Variants in RRAS2 observed in about 807,000 individuals in gnomAD.
The protein encoded by RRAS2 is ras-related protein R-Ras2.
Under a neutral mutation model 27.6 loss-of-function variants are expected in RRAS2, and 7 were observed. The ratio of observed to expected loss-of-function variants is 0.25; its 90% CI spans 0.14 to 0.48. The LOEUF (loss-of-function observed/expected upper bound fraction) is 0.48. Among genes scored for constraint, RRAS2 ranks in the 20% least tolerant of loss-of-function variants. The pLI, the probability that RRAS2 is intolerant of heterozygous loss-of-function variation, is 0.99. For synonymous variants in RRAS2, 86 were observed against 90.9 expected (o/e 0.95, Z 0.31); for missense variants, 178 against 256.2 (o/e 0.69, Z 2.08).
chr11:14,324,209 G>A (rs992418689), intron 1 of RRAS2, among the ~76,000 whole-genome samples: 1 of 151,640 alleles, frequency 6.6e-6, no homozygotes, highest in East Asian at 1.9e-4. Context: ...ATTCAGCAAG[G>A]TATTTGGATA....
chr11:14,329,007 GTGTGTATATA>G (rs1359659622), intron 1 of RRAS2, among the ~76,000 whole-genome samples: 13 of 55,354 alleles, frequency 2.3e-4, no homozygotes, highest in Admixed American at 5.0e-4. Flanking sequence ...GTGTGTGTGT[GTGTGTATATA>G]TATATATATA....
intron 1 of RRAS2, among the ~76,000 whole-genome samples, chr11:14,344,798 C>T (rs1848793669): frequency 6.6e-6 from 1 of 152,136 alleles, no homozygotes; most frequent in African/African-American, 2.4e-5. Context: ...AAACCGAATG[C>T]TACGGATCAA....
intron 1 of RRAS2, among the ~76,000 whole-genome samples, chr11:14,312,277 G>A (rs1359540959): frequency 5.3e-5 from 8 of 152,132 alleles, no homozygotes; most frequent in Non-Finnish European, 7.3e-5. Context: ...AATAAGACAC[G>A]TCTTGAAATG....
chr11:14,328,399 A>C (rs1216901469), intron 1 of RRAS2, among the ~76,000 whole-genome samples: 1 of 151,856 alleles, frequency 6.6e-6, no homozygotes, highest in Admixed American at 6.6e-5. Context: ...AGTGAGAAAA[A>C]ATAATGTAGC....
At chr11:14,337,909 A>T (rs1479722523) in intron 1 of RRAS2, among the ~76,000 whole-genome samples, 1 of 152,204 alleles carries the variant, frequency 6.6e-6, no homozygotes, top group East Asian at 1.9e-4. Flanking sequence ...ATGGCTAAAG[A>T]AAGTTCCTTA....
At chr11:14,291,703 C>G (rs1259683974) in intron 4 of RRAS2, among the ~76,000 whole-genome samples, 1 of 151,776 alleles carries the variant, frequency 6.6e-6, no homozygotes, top group African/African-American at 2.4e-5. Flanking sequence ...AAAAAACTTC[C>G]ACGAAAAAAA....
rs1320870496 is a variant in RRAS2 at position 14,326,913 on chromosome 11, T to C, written c.109-31058A>G. 9.3e-5 allele frequency among the ~76,000 whole-genome samples: 6 copies of C among 64,368 alleles called. 2 individuals are homozygous for C. In the Admixed American group the frequency reaches 1.1e-3, roughly 12 times the overall value. 42.2% of individuals were successfully genotyped at this position (64,368 alleles called of 152,430 possible). ...GTCTCTACTAAAAATACAAAAAAAT[T>C]AGCCGGGCGTAGTGGCGGGCGCCTG... On this transcript the variant is annotated intron_variant, in intron 1 of 5. Coordinates refer to ENST00000256196, the MANE Select transcript of RRAS2 (RefSeq NM_012250.6).
At chr11:14,357,586 T>C (rs1437211570) in intron 1 of RRAS2, among the ~76,000 whole-genome samples, 2 of 152,234 alleles carry the variant, frequency 1.3e-5, no homozygotes, top group African/African-American at 2.4e-5. Context: ...GCAGCAATTA[T>C]TGCTCATTTA....
chr11:14,351,896 A>C (rs112427792), intron 1 of RRAS2, among the ~76,000 whole-genome samples: 11 of 108,444 alleles, frequency 1.0e-4, no homozygotes, highest in Non-Finnish European at 1.9e-4. Context: ...CTCCGTCTCA[A>C]AAAAAAAAAA....
chr11:14,331,263 GT>G (rs1239979235), intron 1 of RRAS2, among the ~76,000 whole-genome samples: 1 of 152,068 alleles, frequency 6.6e-6, no homozygotes, highest in Non-Finnish European at 1.5e-5. Context: ...AGAAACTGGG[GT>G]AAAATGATGG....
At chr11:14,334,604 T>TG (rs1422691434) in intron 1 of RRAS2, among the ~76,000 whole-genome samples, 1 of 151,962 alleles carries the variant, frequency 6.6e-6, no homozygotes, top group Non-Finnish European at 1.5e-5. Flanking sequence ...ATTATCTAGC[T>TG]GGGACTCCCA....
intron 1 of RRAS2, among the ~76,000 whole-genome samples, chr11:14,323,950 A>G (rs1848285312): frequency 6.7e-6 from 1 of 150,148 alleles, no homozygotes; most frequent in Non-Finnish European, 1.5e-5. Context: ...AGAGATATGG[A>G]AAAAGGATAA....
Position 14,295,706 on chromosome 11 carries a change from T to A in RRAS2, c.196+62A>T, listed in dbSNP as rs562778254. On this transcript the variant is annotated intron_variant, in intron 2 of 5. Transcript: ENST00000256196. ...ATATATTATTTAACATAGCAAAACA[T>A]CAGCGCTTACTTTTTTAAAAAATAT... 29 of 1,244,444 alleles carry A rather than the reference T, an allele frequency of 2.3e-5. No individual in the cohort carries two copies. In the African/African-American group the frequency reaches 4.2e-4, roughly 18 times the overall value. 77.1% of individuals were successfully genotyped at this position (1,244,444 alleles called of 1,614,324 possible).
At chr11:14,334,893 TACC>T (rs1214637978) in intron 1 of RRAS2, among the ~76,000 whole-genome samples, 2 of 152,166 alleles carry the variant, frequency 1.3e-5, no homozygotes, top group Non-Finnish European at 2.9e-5. Flanking sequence ...ACCACTGCAC[TACC>T]ACCAACCTAG....
intron 1 of RRAS2, among the ~76,000 whole-genome samples, chr11:14,314,068 C>G (rs1197044601): frequency 1.3e-5 from 2 of 152,136 alleles, no homozygotes. Context: ...CCTTTAGAAC[C>G]AAAGCCCATC....
chr11:14,337,498 T>G (rs1848611431), intron 1 of RRAS2, among the ~76,000 whole-genome samples: 1 of 152,096 alleles, frequency 6.6e-6, no homozygotes, highest in African/African-American at 2.4e-5. Flanking sequence ...TCTCATCAAG[T>G]AGGCATTATC....
At chr11:14,283,870 T>TTATTTTG (rs1849603605) in intron 4 of RRAS2, among the ~76,000 whole-genome samples, 1 of 152,154 alleles carries the variant, frequency 6.6e-6, no homozygotes. Context: ...TTTTTATTTT[T>TTATTTTG]TTTGGTAGAG....
intron 1 of RRAS2, among the ~76,000 whole-genome samples, chr11:14,354,147 C>T (rs1472729149): frequency 1.3e-5 from 2 of 152,040 alleles, no homozygotes; most frequent in African/African-American, 2.4e-5. Context: ...CTCTCTGCCC[C>T]AGGAAAAAGC....
chr11:14,294,968 A>G, intron 2 of RRAS2, 106 bp from the exon 3 acceptor site: 1 of 837,266 alleles, frequency 1.2e-6, no homozygotes. Flanking sequence ...CATACTTGGT[A>G]TAATACAGAA....
Sources: gnomAD v4.1 joint callset for allele counts (sites outside exome capture counted in the v4.1 genomes callset) on GRCh38, gnomAD v4.1.1 for gene constraint, MANE v1.5 for transcripts, NCBI Gene and HGNC (gene_info 2026-07-23, HGNC 2026-07-21) for gene names.